Variants in FRY observed in about 807,000 individuals in gnomAD.
The protein encoded by FRY is protein furry homolog.
In FRY, 128 loss-of-function variants were observed where a neutral mutation model predicts 348.4. The ratio of observed to expected loss-of-function variants is 0.37; its 90% CI spans 0.32 to 0.43. FRY has a LOEUF of 0.43. FRY is among the 20% of genes least tolerant of loss of function. FRY has a pLI of 1.00. For synonymous variants in FRY, 1,370 were observed against 1,374.7 expected (o/e 1.00, Z 0.08); for missense variants, 2,736 against 3,695.2 (o/e 0.74, Z 6.73).
intron 50 of FRY, among the ~76,000 whole-genome samples, chr13:32,253,329 A>G (rs1887176988): frequency 6.6e-6 from 1 of 152,250 alleles, no homozygotes; most frequent in Admixed American, 6.5e-5. Context: ...AAAAAAGTAC[A>G]CTTGAAATCC....
intron 3 of FRY, among the ~76,000 whole-genome samples, chr13:32,104,140 A>G (rs1877377761): frequency 6.6e-6 from 1 of 152,316 alleles, no homozygotes; most frequent in Non-Finnish European, 1.5e-5. Flanking sequence ...AACTTTGCAG[A>G]TAATAGTAAT....
At position 32,135,099 on chromosome 13, in the gene FRY, A is replaced by G. The variant is rs200632433; in HGVS notation, c.993A>G (p.Glu331=). 3.3e-4 allele frequency: 528 copies of G among 1,608,792 alleles called. No individual in the cohort carries two copies. Among genetic ancestry groups the G allele is most frequent in the Admixed American group, 4.2e-4 (25 of 60,000 alleles). The part of the protein sequence containing the change: ...LVPVAAAVKN[E]VNVPCLRNFV... ...CTCTATTTCAGGCTGTTAAAAATGA[A>G]GTAAATGTTCCCTGCCTTAGAAATT... The change falls in exon 10 of 61, where the codon GAA becomes GAG. Residue 331 remains glutamate, a synonymous_variant. Coordinates refer to ENST00000542859, the MANE Select transcript of FRY (RefSeq NM_023037.3).
Position 32,234,569 on chromosome 13 carries a change from C to T in FRY, c.5528-5C>T, listed in dbSNP as rs1886120632. 1 of 1,613,352 alleles carries T rather than the reference C, an allele frequency of 6.2e-7. No homozygotes were observed. The highest frequency in any genetic ancestry group is 1.3e-5 in the African/African-American group (1 of 74,868). On this transcript the variant is annotated splice_polypyrimidine_tract_variant and splice_region_variant and intron_variant, in intron 41 of 60. Transcript: ENST00000542859. ...TGACCTATTCTGTGGCTCTTGTTAC[C>T]CTAGGCTTCCATCTGGAGCACCAGT...
At chr13:32,087,016 G>A (rs573400979) in intron 2 of FRY, among the ~76,000 whole-genome samples, 4 of 152,252 alleles carry the variant, frequency 2.6e-5, no homozygotes, top group South Asian at 4.2e-4. Context: ...AATTCATAAA[G>A]GTGCTAACTG....
At chr13:32,109,806 C>T (rs907338577) in intron 3 of FRY, among the ~76,000 whole-genome samples, 3 of 152,164 alleles carry the variant, frequency 2.0e-5, no homozygotes, top group Admixed American at 1.3e-4. Flanking sequence ...ATAACGGGTT[C>T]AGTTTATTAT....
chr13:32,227,849 TC>T (rs1885670032), intron 39 of FRY, among the ~76,000 whole-genome samples: 1 of 151,870 alleles, frequency 6.6e-6, no homozygotes, highest in South Asian at 2.1e-4. Flanking sequence ...CCCACCGGGT[TC>T]ACGCCATTCT....
chr13:32,037,059 A>ACACACACACACACAC (rs1872550173), intron 1 of FRY, among the ~76,000 whole-genome samples: 1 of 33,472 alleles, frequency 3.0e-5, no homozygotes, highest in African/African-American at 8.3e-5. Flanking sequence ...CACACACACA[A>ACACACACACACACAC]ACACACACAC....
Position 32,295,513 on chromosome 13 carries a change from G to T in FRY, c.*53G>T. The T allele has an allele frequency of 6.4e-7, 1 of 1,557,906 alleles. No individual in the cohort carries two copies. ...CAAACTGGCAGTGCTGCCATGCTGG[G>T]GCAACGTCATTCAGTGTCTTCTCGG... On this transcript the variant is annotated 3_prime_UTR_variant, in exon 61 of 61. Transcript: ENST00000542859.
At chr13:32,090,028 G>A (rs1054508599) in intron 2 of FRY, among the ~76,000 whole-genome samples, 8 of 152,028 alleles carry the variant, frequency 5.3e-5, no homozygotes, top group African/African-American at 1.9e-4. Flanking sequence ...CCACCCATTG[G>A]AGAACTGAAT....
intron 36 of FRY, 85 bp from the exon 37 acceptor site, chr13:32,224,150 T>G: frequency 7.9e-7 from 1 of 1,260,338 alleles, no homozygotes; most frequent in Non-Finnish European, 1.2e-6. Flanking sequence ...CATACATTTT[T>G]AAAATTTATT....
At chr13:32,080,516 T>C (rs1406801719) in intron 2 of FRY, among the ~76,000 whole-genome samples, 1 of 152,244 alleles carries the variant, frequency 6.6e-6, no homozygotes, top group Non-Finnish European at 1.5e-5. Flanking sequence ...AACCCCTCTA[T>C]ACTTTATTGT....
chr13:32,282,613 A>G (rs1346244834), intron 58 of FRY, among the ~76,000 whole-genome samples: 1 of 152,220 alleles, frequency 6.6e-6, no homozygotes, highest in Non-Finnish European at 1.5e-5. Flanking sequence ...ATCATTCTTA[A>G]CAGGTGATTT....
intron 7 of FRY, among the ~76,000 whole-genome samples, chr13:32,126,102 G>A (rs1370312125): frequency 2.6e-5 from 4 of 152,122 alleles, no homozygotes; most frequent in Non-Finnish European, 5.9e-5. Context: ...AGTAATGAAA[G>A]CATTAGCATT....
At chr13:32,171,564 A>C (rs908287519) in intron 18 of FRY, among the ~76,000 whole-genome samples, 2 of 152,080 alleles carry the variant, frequency 1.3e-5, no homozygotes, top group South Asian at 4.1e-4. Flanking sequence ...CTCCCGTCTC[A>C]GCCTCCCAGA....
chr13:32,111,334 C>CAA (rs995166814), intron 3 of FRY, among the ~76,000 whole-genome samples: 1 of 144,220 alleles, frequency 6.9e-6, no homozygotes, highest in Non-Finnish European at 1.5e-5. Context: ...CTAAAAATAC[C>CAA]AAAAAAAAAA....
chr13:32,096,574 T>G (rs1168719879), intron 2 of FRY, among the ~76,000 whole-genome samples: 2 of 152,140 alleles, frequency 1.3e-5, no homozygotes, highest in Non-Finnish European at 2.9e-5. Flanking sequence ...GCGGATCACC[T>G]GCGGTCAGGG....
rs191935557 is a variant in FRY at position 32,083,260 on chromosome 13, T to C, written c.270+4227T>C. Reference sequence around the variant, plus strand: ...GAATTTTAATTTTGATGACTATATTTTTTATTCCTGGAAGTGCTATTTAGT... The same window carrying C: ...GAATTTTAATTTTGATGACTATATTCTTTATTCCTGGAAGTGCTATTTAGT... On this transcript the variant is annotated intron_variant, in intron 2 of 60. Transcript: ENST00000542859. 6.6e-5 allele frequency among the ~76,000 whole-genome samples: 10 copies of C among 152,294 alleles called. No individual in the cohort carries two copies. The East Asian group carries it at 1.9e-3, about 29-fold the overall frequency.
intron 2 of FRY, among the ~76,000 whole-genome samples, chr13:32,083,769 A>T (rs1457485799): frequency 4.6e-5 from 7 of 152,042 alleles, no homozygotes; most frequent in Admixed American, 4.6e-4. Flanking sequence ...GACCACTGGG[A>T]ACATCGTTTC....
chr13:32,096,848 A>G (rs2138612370), intron 2 of FRY, among the ~76,000 whole-genome samples: 1 of 151,548 alleles, frequency 6.6e-6, no homozygotes, highest in Admixed American at 6.6e-5. Context: ...GTGTAAAAAT[A>G]GTTAAGGAAA....
Sources: gnomAD v4.1 joint callset for allele counts (sites outside exome capture counted in the v4.1 genomes callset) on GRCh38, gnomAD v4.1.1 for gene constraint, MANE v1.5 for transcripts, NCBI Gene and HGNC (gene_info 2026-07-23, HGNC 2026-07-21) for gene names.